Variants in APH1B observed in about 807,000 individuals in gnomAD.
APH1B encodes gamma-secretase subunit APH-1B.
In APH1B, 27 loss-of-function variants were observed where a neutral mutation model predicts 28.2. That is an observed-to-expected ratio of 0.96 (90% CI 0.70 to 1.32). The LOEUF (loss-of-function observed/expected upper bound fraction) is 1.32. APH1B is among the 40% of genes most tolerant of loss of function. The pLI is 0.00. For missense variants in APH1B, 305 were observed against 313.6 expected (o/e 0.97, Z 0.21); for synonymous variants, 141 against 124.6 (o/e 1.13, Z -0.88).
chr15:63,288,079 T>C (rs2038466179), intron 4 of APH1B, among the ~76,000 whole-genome samples: 2 of 152,204 alleles, frequency 1.3e-5, no homozygotes, highest in African/African-American at 4.8e-5. Flanking sequence ...ATTTGAGAGT[T>C]GGTAGCGTAC....
At chr15:63,298,294 C>T (rs2038588972) in intron 4 of APH1B, among the ~76,000 whole-genome samples, 1 of 152,132 alleles carries the variant, frequency 6.6e-6, no homozygotes, top group Non-Finnish European at 1.5e-5. Flanking sequence ...CGTGTAGCCT[C>T]AACCTCCCTG....
chr15:63,283,128 G>A (rs945911250), intron 2 of APH1B, among the ~76,000 whole-genome samples: 1 of 152,058 alleles, frequency 6.6e-6, no homozygotes, highest in South Asian at 2.1e-4. Flanking sequence ...TTCCTCCCAC[G>A]TACTTCCATA....
intron 2 of APH1B, among the ~76,000 whole-genome samples, chr15:63,281,393 G>T (rs1567027042): frequency 6.6e-6 from 1 of 151,120 alleles, no homozygotes; most frequent in African/African-American, 2.5e-5. Flanking sequence ...TCAGAACCCA[G>T]CATGGTATTC....
chr15:63,286,486 G>T, intron 2 of APH1B, 72 bp from the exon 3 acceptor site: 1 of 1,296,848 alleles, frequency 7.7e-7, no homozygotes, highest in South Asian at 1.4e-5. Flanking sequence ...TGTCTTGTTG[G>T]ACTTTCCTGA....
In APH1B at chr15:63,304,161, A is replaced by G. The variant is rs1287603437; in HGVS notation, c.607-1453A>G. On this transcript the variant is annotated intron_variant, in intron 5 of 5. Transcript: ENST00000261879. The surrounding 1 kb of genome is among the most constrained non-coding windows in gnomAD (Gnocchi z 5.1). ...TTTCATTTACGTTTCCCTGATGATTAATAGGTTGAGCCCCATGTTGTGTGG... is the reference window on the plus strand; with the variant it reads ...TTTCATTTACGTTTCCCTGATGATTGATAGGTTGAGCCCCATGTTGTGTGG... 6.6e-6 allele frequency among the ~76,000 whole-genome samples: 1 copy of G among 152,172 alleles called. No individual in the cohort carries two copies. Among genetic ancestry groups the G allele is most frequent in the Non-Finnish European group, 1.5e-5 (1 of 68,018 alleles).
intron 3 of APH1B, among the ~76,000 whole-genome samples, chr15:63,286,861 A>AT (rs2038452434): frequency 6.6e-6 from 1 of 152,174 alleles, no homozygotes; most frequent in African/African-American, 2.4e-5. Context: ...TGAAAGTTAG[A>AT]TTTTTAATGT....
In APH1B at chr15:63,305,827, G is replaced by A. The variant is rs1455490596; in HGVS notation, c.*46G>A. 6.3e-7 allele frequency: 1 copy of A among 1,580,228 alleles called. No individual in the cohort carries two copies. The highest frequency in any genetic ancestry group is 8.6e-7 in the Non-Finnish European group (1 of 1,167,274). On this transcript the variant is annotated 3_prime_UTR_variant, in exon 6 of 6. Transcript: ENST00000261879. ...CCAAACCGCAGACTACATCTTTAGA[G>A]GAAGCACAACTGTGCCTTTTTCTGA...
At position 63,306,400 on chromosome 15, in the gene APH1B, C is replaced by T. The variant is rs202003576; in HGVS notation, c.*619C>T. On this transcript the variant is annotated 3_prime_UTR_variant, in exon 6 of 6. Transcript: ENST00000261879. The stretch of plus-strand genomic sequence containing the variant: ...AGCCAAAGTAAGATACTGATTAAGC[C>T]GTATTTTTCTGAAGTGCTTCCATTC... 7.9e-5 allele frequency: 12 copies of T among 152,134 alleles called. No individual in the cohort carries two copies. The highest frequency in any genetic ancestry group is 4.6e-4 in the Admixed American group (7 of 15,274). 9.4% of individuals were successfully genotyped at this position (152,134 alleles called of 1,614,324 possible).
chr15:63,278,518 G>T (rs1024597460), intron 1 of APH1B, among the ~76,000 whole-genome samples: 3 of 152,130 alleles, frequency 2.0e-5, no homozygotes, highest in African/African-American at 7.2e-5. Context: ...AAAGTGCTTC[G>T]CTGCATGTCA....
In APH1B at chr15:63,277,623, C is replaced by T. The variant is rs1364329011; in HGVS notation, c.-1C>T. ...CCCCCGGGTCGGTTTCCGCGGTGGC[C>T]ATGACTGCGGCCGTGTTCTTCGGCT... On this transcript the variant is annotated 5_prime_UTR_variant, in exon 1 of 6. Coordinates refer to ENST00000261879, the MANE Select transcript of APH1B (RefSeq NM_031301.4). 2 of 1,572,366 alleles carry T rather than the reference C, an allele frequency of 1.3e-6. No homozygotes were observed. Among genetic ancestry groups the T allele is most frequent in the African/African-American group, 2.8e-5 (2 of 71,708 alleles).
rs572391679 is a variant in APH1B, at chr15:63,289,501, A to G, written c.478+1955A>G. Among the ~76,000 whole-genome samples the G allele has an allele frequency of 2.2e-4, 33 of 152,318 alleles. No individual in the cohort carries two copies. The South Asian group carries it at 6.4e-3, about 30-fold the overall frequency. On this transcript the variant is annotated intron_variant, in intron 4 of 5. Coordinates refer to ENST00000261879, the MANE Select transcript of APH1B (RefSeq NM_031301.4). Reference sequence around the variant, plus strand: ...CACTAATTACAGATTAAGCATTTTTAATCCAAAAATCCAAAATCCAAAAAT... The same window carrying G: ...CACTAATTACAGATTAAGCATTTTTGATCCAAAAATCCAAAATCCAAAAAT...
intron 2 of APH1B, 30 bp from the exon 3 acceptor site, chr15:63,286,528 T>C (rs1215948864): frequency 6.6e-7 from 1 of 1,506,088 alleles, no homozygotes; most frequent in South Asian, 1.3e-5. Context: ...TTTTTTTTTC[T>C]TCTTAATTAC....
chr15:63,278,619 G>C lies in APH1B; in HGVS notation c.114-542G>C, dbSNP rs565922537. The stretch of plus-strand genomic sequence containing the variant: ...GGTGCTGTAAGACCTGGAGGGCTTG[G>C]ATACTGATCCAGATCAGAACACAGG... On this transcript the variant is annotated intron_variant, in intron 1 of 5. Coordinates refer to ENST00000261879, the MANE Select transcript of APH1B (RefSeq NM_031301.4). 2.6e-5 allele frequency among the ~76,000 whole-genome samples: 4 copies of C among 152,320 alleles called. No homozygotes were observed. In the South Asian group the frequency reaches 6.2e-4, roughly 24 times the overall value.
chr15:63,286,732 C>T (rs1035906176), intron 3 of APH1B, 104 bp downstream of exon 3: 58 of 1,053,660 alleles, frequency 5.5e-5, no homozygotes, highest in Non-Finnish European at 7.2e-5. Context: ...TTGTTTATTA[C>T]TGCCTTGGCC....
At chr15:63,297,411 C>T (rs1382636685) in intron 4 of APH1B, among the ~76,000 whole-genome samples, 2 of 152,050 alleles carry the variant, frequency 1.3e-5, no homozygotes, top group Non-Finnish European at 2.9e-5. Context: ...CACCTGTAGT[C>T]CCAGCTACTC....
At position 63,285,270 on chromosome 15, in the gene APH1B, C is replaced by T. The variant is rs140246270; in HGVS notation, c.285-1288C>T. On this transcript the variant is annotated intron_variant, in intron 2 of 5. Coordinates refer to ENST00000261879, the MANE Select transcript of APH1B (RefSeq NM_031301.4). ...AAGAATAAGCTGACTATAATGAATA[C>T]CCATACCCTGAAATTTAAAGTAACA... Among the ~76,000 whole-genome samples the T allele has an allele frequency of 4.4e-3, 677 of 152,210 alleles. 2 individuals carry two copies. Among genetic ancestry groups the T allele is most frequent in the Non-Finnish European group, 6.3e-3 (427 of 68,002 alleles).
At chr15:63,303,908 C>CACACA (rs58192412) in intron 5 of APH1B, among the ~76,000 whole-genome samples, 1 of 148,586 alleles carries the variant, frequency 6.7e-6, no homozygotes, top group African/African-American at 2.5e-5. Flanking sequence ...CACACACACA[C>CACACA]TTCTTTTGGG....
intron 3 of APH1B, 149 bp from the exon 4 acceptor site, chr15:63,287,275 A>T (rs2038457356): frequency 2.0e-6 from 2 of 1,005,728 alleles, no homozygotes; most frequent in Non-Finnish European, 2.9e-6. Context: ...TTAGCCAAGC[A>T]CATGCCTCTC....
At chr15:63,287,290 G>A in intron 3 of APH1B, 134 bp from the exon 4 acceptor site, 1 of 1,240,138 alleles carries the variant, frequency 8.1e-7, no homozygotes, top group African/African-American at 1.5e-5. Context: ...CCTCTCCAGA[G>A]CCAGCTGTCC....
Sources: allele counts gnomAD v4.1 joint callset (sites outside exome capture counted in the v4.1 genomes callset), GRCh38; gene constraint gnomAD v4.1.1; non-coding constraint Gnocchi (gnomAD v3.1); transcripts MANE v1.5; gene names NCBI Gene and HGNC (gene_info 2026-07-23, HGNC 2026-07-21).